The following FTO variants were observed in gnomAD, a reference collection of about 807,000 sequenced individuals.
The protein encoded by FTO is FTO alpha-ketoglutarate dependent dioxygenase.
FTO carries 47 observed loss-of-function variants against 63.9 expected under a neutral mutation model. The observed-to-expected ratio is 0.74, with a 90% confidence interval of 0.58 to 0.94. The LOEUF (loss-of-function observed/expected upper bound fraction) is 0.94. Ranked by LOEUF, FTO falls within the 40% of genes least tolerant of loss-of-function variation. The pLI, the probability that FTO is intolerant of heterozygous loss-of-function variation, is 0.00. For missense variants in FTO, 562 were observed against 618.1 expected (o/e 0.91, Z 0.96); for synonymous variants, 207 against 224.4 (o/e 0.92, Z 0.69).
chr16:54,093,290 G>T (rs1187283593), intron 8 of FTO, among the ~76,000 whole-genome samples: 2 of 152,174 alleles, frequency 1.3e-5, no homozygotes, highest in African/African-American at 4.8e-5. Context: ...TCACAGTCTC[G>T]CCCGAGCTAA....
chr16:54,025,729 G>T (rs2084698945), intron 8 of FTO, among the ~76,000 whole-genome samples: 1 of 151,176 alleles, frequency 6.6e-6, no homozygotes, highest in Non-Finnish European at 1.5e-5. Flanking sequence ...AAAAAAAAAG[G>T]TGGCTGGGCG....
intron 1 of FTO, among the ~76,000 whole-genome samples, chr16:53,796,210 A>G (rs2078067043): frequency 6.6e-6 from 1 of 151,962 alleles, no homozygotes; most frequent in South Asian, 2.1e-4. Context: ...ATGCCCAGCT[A>G]ATTTTGAATT....
intron 8 of FTO, among the ~76,000 whole-genome samples, chr16:54,088,996 G>A (rs1276368062): frequency 6.6e-6 from 1 of 152,214 alleles, no homozygotes; most frequent in African/African-American, 2.4e-5. Context: ...ATAGGAGATG[G>A]CAGGAAGTTC....
intron 8 of FTO, among the ~76,000 whole-genome samples, chr16:54,052,333 T>C (rs1351661229): frequency 2.6e-5 from 4 of 152,168 alleles, no homozygotes; most frequent in African/African-American, 7.2e-5. Flanking sequence ...GGGGAAAAAG[T>C]TAAATATTTC....
intron 8 of FTO, among the ~76,000 whole-genome samples, chr16:54,079,244 C>T (rs761160181): frequency 2.6e-5 from 4 of 152,084 alleles, no homozygotes; most frequent in Non-Finnish European, 4.4e-5. Context: ...CTAGTGAGTT[C>T]AGTGCCTGCT....
chr16:53,817,365 C>T (rs997045298), intron 2 of FTO, among the ~76,000 whole-genome samples: 16 of 151,952 alleles, frequency 1.1e-4, no homozygotes, highest in African/African-American at 3.6e-4. Flanking sequence ...GTGTTTAGCC[C>T]GTTAGTCATC....
At chr16:53,945,370 A>C (rs998883431) in intron 8 of FTO, among the ~76,000 whole-genome samples, 12 of 152,254 alleles carry the variant, frequency 7.9e-5, no homozygotes, top group African/African-American at 2.9e-4. Context: ...ACAGAGGTGC[A>C]GAGTAACTTG....
intron 7 of FTO, among the ~76,000 whole-genome samples, chr16:53,922,835 G>A (rs1345846442): frequency 1.3e-5 from 2 of 152,206 alleles, no homozygotes; most frequent in Non-Finnish European, 2.9e-5. Flanking sequence ...TCACAGAGTT[G>A]GGGAGGAAGT....
At chr16:53,903,360 G>A (rs1204188569) in intron 7 of FTO, among the ~76,000 whole-genome samples, 2 of 151,626 alleles carry the variant, frequency 1.3e-5, no homozygotes, top group Non-Finnish European at 2.9e-5. Context: ...CTGGGTCCAA[G>A]CGATTCTCCT....
intron 7 of FTO, among the ~76,000 whole-genome samples, chr16:53,900,006 C>T (rs149042449): frequency 5.9e-5 from 9 of 152,252 alleles, no homozygotes; most frequent in African/African-American, 2.2e-4. Context: ...TCTTCCTCCC[C>T]ACCAACCCAC....
chr16:53,948,169 T>G (rs909914687), intron 8 of FTO, among the ~76,000 whole-genome samples: 2 of 152,164 alleles, frequency 1.3e-5, no homozygotes, highest in Admixed American at 6.5e-5. Context: ...GAAGAGTGCC[T>G]CAGATCATTA....
At chr16:53,766,407 G>A (rs914015130) in intron 1 of FTO, among the ~76,000 whole-genome samples, 3 of 152,034 alleles carry the variant, frequency 2.0e-5, no homozygotes, top group Non-Finnish European at 4.4e-5. Context: ...TTCGTTATCC[G>A]TGAAGATGCC....
intron 4 of FTO, among the ~76,000 whole-genome samples, chr16:53,859,443 A>G (rs537258439): frequency 6.6e-6 from 1 of 151,238 alleles, no homozygotes; most frequent in South Asian, 2.1e-4. Flanking sequence ...TGTGTGTAGT[A>G]TAAAAATATA....
chr16:53,829,723 A>G (rs2079095769), intron 3 of FTO, among the ~76,000 whole-genome samples: 1 of 152,198 alleles, frequency 6.6e-6, no homozygotes, highest in Admixed American at 6.5e-5. Flanking sequence ...CCAAAGATAA[A>G]TCAATGGCTT....
chr16:54,049,104 G>T (rs769664058), intron 8 of FTO, among the ~76,000 whole-genome samples: 2 of 151,838 alleles, frequency 1.3e-5, no homozygotes, highest in South Asian at 2.1e-4. Flanking sequence ...GATCCAAACC[G>T]TAAGAAAGGT....
At chr16:54,090,507 C>A (rs1231007503) in intron 8 of FTO, among the ~76,000 whole-genome samples, 1 of 151,880 alleles carries the variant, frequency 6.6e-6, no homozygotes, top group African/African-American at 2.4e-5. Flanking sequence ...TCCACTGAAC[C>A]GTATACTTAA....
rs139966334 is a variant in FTO, at chr16:53,828,421, G to A, written c.751+1930G>A. On this transcript the variant is annotated intron_variant, in intron 3 of 8. Coordinates refer to ENST00000471389, the MANE Select transcript of FTO (RefSeq NM_001080432.3). ...TTTTTAGTAGAGACGGGGTTTCACC[G>A]TGGTCTCAATCTTCTGATCTCATGA... is the stretch of plus-strand genomic sequence containing the variant. Among the ~76,000 whole-genome samples, 387 of 151,910 alleles carry A rather than the reference G, an allele frequency of 2.5e-3. 2 individuals are homozygous for A. The highest frequency in any genetic ancestry group is 2.1e-3 in the Non-Finnish European group (141 of 67,934).
intron 1 of FTO, among the ~76,000 whole-genome samples, chr16:53,738,710 A>T (rs1023720495): frequency 6.6e-6 from 1 of 152,172 alleles, no homozygotes; most frequent in Non-Finnish European, 1.5e-5. Flanking sequence ...GAAATGTATT[A>T]GAGTTCCATT....
chr16:53,987,649 G>A (rs1219330679), intron 8 of FTO, among the ~76,000 whole-genome samples: 1 of 151,030 alleles, frequency 6.6e-6, no homozygotes, highest in African/African-American at 2.4e-5. Context: ...ATGGGTTTGT[G>A]CACACAGAAA....
Sources: gnomAD v4.1 joint callset for allele counts (sites outside exome capture counted in the v4.1 genomes callset) on GRCh38, gnomAD v4.1.1 for gene constraint, MANE v1.5 for transcripts, NCBI Gene and HGNC (gene_info 2026-07-23, HGNC 2026-07-21) for gene names.